TRPV4: variants seen among roughly 807,000 people sequenced by gnomAD.
TRPV4 encodes the protein transient receptor potential cation channel subfamily V member 4.
In TRPV4, 58 loss-of-function variants were observed where a neutral mutation model predicts 84.1. That is an observed-to-expected ratio of 0.69 (90% CI 0.56 to 0.86). TRPV4 has a LOEUF of 0.86. Ranked by LOEUF, TRPV4 falls within the 40% of genes least tolerant of loss-of-function variation. The pLI is 0.00. For synonymous variants in TRPV4, 489 were observed against 500.9 expected, an observed-to-expected ratio of 0.98 and a Z score of 0.32; for missense variants, 879 against 1,181.1, an observed-to-expected ratio of 0.74 and a Z score of 3.75.
At position 109,783,244 on chromosome 12, in the gene TRPV4, T is replaced by G; in HGVS notation, c.*377A>C. The G allele has an allele frequency of 4.5e-6, 1 of 224,634 alleles. No individual in the cohort carries two copies. The highest frequency in any genetic ancestry group is 8.7e-6 in the Non-Finnish European group (1 of 114,314). 13.9% of individuals were successfully genotyped at this position (224,634 alleles called of 1,614,324 possible). On this transcript the variant is annotated 3_prime_UTR_variant, in exon 16 of 16. Coordinates refer to ENST00000261740, the MANE Select transcript of TRPV4 (RefSeq NM_021625.5). This position sits in a 1 kb window ranked among gnomAD's most constrained non-coding sequence, Gnocchi z 4.6. ...ATGCAGCTCAGGCGCAGGCTGAGGC[T>G]GGGGCTTGGCCGGGCAGTGCACTTG...
At chr12:109,809,230 C>A (rs1395058169) in intron 2 of TRPV4, among the ~76,000 whole-genome samples, 1 of 150,816 alleles carries the variant, frequency 6.6e-6, no homozygotes, top group Admixed American at 6.6e-5. Flanking sequence ...TCCATCTACC[C>A]ATCCACCCAC....
chr12:109,798,804 C>T lies in TRPV4; in HGVS notation c.962G>A (p.Gly321Asp). 6.2e-7 allele frequency: 1 copy of T among 1,614,172 alleles called. No individual in the cohort carries two copies. Among genetic ancestry groups the T allele is most frequent in the South Asian group, 1.1e-5 (1 of 91,092 alleles). The change falls in exon 6 of 16, where the codon GGC becomes GAC. Residue 321 changes from glycine to aspartate, a missense_variant. Gly to Asp is a moderately conservative substitution (Grantham distance 94, BLOSUM62 -1). This residue lies in a region of TRPV4 where 521 missense variants were observed against 686.6 expected (regional missense o/e 0.76). Coordinates refer to ENST00000261740, the MANE Select transcript of TRPV4 (RefSeq NM_021625.5). This position sits in a 1 kb window ranked among gnomAD's most constrained non-coding sequence, Gnocchi z 5.0. Reference sequence around the variant, plus strand: ...CACCAGCGCATGCAGCACTGTGTTGCCTCGCGAGTCCTGGCGCCGCATGTC... The same window carrying T: ...CACCAGCGCATGCAGCACTGTGTTGTCTCGCGAGTCCTGGCGCCGCATGTC... ...KADMRRQDSR[G>D]NTVLHALVAI... is the part of the protein sequence containing the mutation.
In TRPV4 at chr12:109,814,718, C is replaced by T. The variant is rs1234933285; in HGVS notation, c.79G>A (p.Gly27Ser). The T allele has an allele frequency of 2.5e-6, 4 of 1,602,646 alleles. No individual in the cohort carries two copies. The highest frequency in any genetic ancestry group is 4.5e-5 in the East Asian group (2 of 44,344). ...GAGGAGAGAGGAAAAGCCTCCCCAC[C>T]TGGGGTGCCACTCTCATCCCCGGGG... ...ELPGDESGTP[G>S]GEAFPLSSLA... The change falls in exon 2 of 16, where the codon GGT becomes AGT. Residue 27 changes from glycine (G) to serine (S), a missense_variant. Physicochemically the swap from Gly to Ser is moderately conservative, Grantham distance 56 (BLOSUM62 0). Around this residue, in one of 4 missense-constraint regions of TRPV4, gnomAD observed 107 missense variants for 99.4 expected, o/e 1.08. Transcript: ENST00000261740. The surrounding 1 kb of genome is among the most constrained non-coding windows in gnomAD (Gnocchi z 5.4).
intron 1 of TRPV4, among the ~76,000 whole-genome samples, chr12:109,823,429 A>G (rs1463891466): frequency 6.6e-6 from 1 of 152,228 alleles, no homozygotes; most frequent in Non-Finnish European, 1.5e-5. Flanking sequence ...GCCGGCTGAC[A>G]GCACACACAG....
intron 1 of TRPV4, among the ~76,000 whole-genome samples, chr12:109,820,170 AACAATAAACTAG>A (rs1205349413): frequency 6.6e-6 from 1 of 152,146 alleles, no homozygotes; most frequent in African/African-American, 2.4e-5. Context: ...CTGGTGGGGA[AACAATAAACTAG>A]ACAAATCAAG....
intron 4 of TRPV4, among the ~76,000 whole-genome samples, chr12:109,801,039 G>A (rs1253327997): frequency 6.6e-6 from 1 of 152,254 alleles, no homozygotes; most frequent in Non-Finnish European, 1.5e-5. Context: ...GAGGAGGCCA[G>A]GCGCAGGCTC....
chr12:109,795,740 T>C (rs1384171844), intron 7 of TRPV4, among the ~76,000 whole-genome samples: 1 of 149,714 alleles, frequency 6.7e-6, no homozygotes, highest in African/African-American at 2.4e-5. Context: ...CTTGGTTTTT[T>C]GTTTGTTTGT....
chr12:109,798,749 G>C lies in TRPV4; in HGVS notation c.1017C>G (p.Thr339=). Residue 339 remains threonine, a synonymous_variant, in exon 6 of 16, where the codon ACC becomes ACG. Coordinates refer to ENST00000261740, the MANE Select transcript of TRPV4 (RefSeq NM_021625.5). The surrounding 1 kb of genome is among the most constrained non-coding windows in gnomAD (Gnocchi z 5.0). ...GGTCGTACATCTTGGTAACAAACTT[G>C]GTGTTCTCACGGGTGTTGTCAGCAA... is the stretch of plus-strand genomic sequence containing the variant. The part of the protein sequence containing the change: ...VAIADNTREN[T]KFVTKMYDLL... The C allele has an allele frequency of 6.2e-7, 1 of 1,614,144 alleles. No individual in the cohort carries two copies. Among genetic ancestry groups the C allele is most frequent in the Non-Finnish European group, 8.5e-7 (1 of 1,180,048 alleles).
chr12:109,817,789 C>T (rs1891924473), intron 1 of TRPV4, among the ~76,000 whole-genome samples: 1 of 152,220 alleles, frequency 6.6e-6, no homozygotes, highest in South Asian at 2.1e-4. Flanking sequence ...TCTGCTCCTC[C>T]TCTAAGGACA....
chr12:109,817,999 C>T (rs574569590), intron 1 of TRPV4, among the ~76,000 whole-genome samples: 1 of 152,122 alleles, frequency 6.6e-6, no homozygotes, highest in African/African-American at 2.4e-5. Context: ...GTAGGTACTG[C>T]GATCGTTCCC....
rs758741868 is a variant in TRPV4, at chr12:109,814,772, G to A, written c.25C>T (p.Arg9Cys). 2.6e-5 allele frequency: 40 copies of A among 1,549,400 alleles called. No individual in the cohort carries two copies. Among genetic ancestry groups the A allele is most frequent in the Admixed American group, 5.8e-5 (3 of 51,454 alleles). ...TCAGCCACCTCCCCGGGCCCCGCGC[G>A]GGGGCCTTCGCTGGAATCCGCCATG... MADSSEGPRAGPGEVAELP... is the reference protein window; with the variant it reads MADSSEGPCAGPGEVAELP... The change falls in exon 2 of 16, where the codon CGC (arginine) becomes TGC (cysteine). Residue 9 changes from arginine to cysteine, a missense_variant. By Grantham distance (180) the Arg-to-Cys change is radical. Around this residue, in one of 4 missense-constraint regions of TRPV4, gnomAD observed 107 missense variants for 99.4 expected, o/e 1.08. Coordinates refer to ENST00000261740, the MANE Select transcript of TRPV4 (RefSeq NM_021625.5). This position sits in a 1 kb window ranked among gnomAD's most constrained non-coding sequence, Gnocchi z 5.4.
rs1890552216 is a variant in TRPV4 at position 109,798,470 on chromosome 12, T to G, written c.1152+144A>C. 9.4e-7 allele frequency: 1 copy of G among 1,062,780 alleles called. No individual in the cohort carries two copies. The highest frequency in any genetic ancestry group is 2.1e-5 in the Admixed American group (1 of 48,430). The allele number at this position is 1,062,780 out of a possible 1,614,324, so 65.8% of individuals were successfully genotyped here. On this transcript the variant is annotated intron_variant, in intron 6 of 15. Transcript: ENST00000261740. The surrounding 1 kb of genome is among the most constrained non-coding windows in gnomAD (Gnocchi z 5.0). ...ACACTAGGGAGCCATAGCAGGTTCT[T>G]GAGCTGGGACATCTGCACACTGGGG...
At chr12:109,816,992 C>T (rs1172531251) in intron 1 of TRPV4, among the ~76,000 whole-genome samples, 1 of 152,198 alleles carries the variant, frequency 6.6e-6, no homozygotes, top group African/African-American at 2.4e-5. Flanking sequence ...GTTTTCCCAC[C>T]TGTAAGACTG....
rs975631193 is a variant in TRPV4, at chr12:109,800,602, C to A, written c.853+16G>T. On this transcript the variant is annotated intron_variant, in intron 5 of 15. Transcript: ENST00000261740. ...TTCTCCAGCATGCTGTCAGCCCCCA[C>A]CAGGCCCCTCCTTACCAAAGTAGAA... is the stretch of plus-strand genomic sequence containing the variant. The A allele has an allele frequency of 6.2e-7, 1 of 1,614,128 alleles. No homozygotes were observed. The highest frequency in any genetic ancestry group is 1.3e-5 in the African/African-American group (1 of 75,058).
chr12:109,799,815 C>T (rs918486879), intron 5 of TRPV4, among the ~76,000 whole-genome samples: 1 of 151,926 alleles, frequency 6.6e-6, no homozygotes, highest in African/African-American at 2.4e-5. Context: ...GGCTGGAGTG[C>T]AGTGGTGCAA....
At chr12:109,800,478 C>T in intron 5 of TRPV4, 140 bp downstream of exon 5, 1 of 1,097,438 alleles carries the variant, frequency 9.1e-7, no homozygotes, top group Non-Finnish European at 1.3e-6. Flanking sequence ...GCCTGTGGTC[C>T]AGAGTGCTGC....
chr12:109,799,797 A>G (rs1174156645), intron 5 of TRPV4, among the ~76,000 whole-genome samples: 1 of 150,748 alleles, frequency 6.6e-6, no homozygotes, highest in Non-Finnish European at 1.5e-5. Flanking sequence ...GTCTTGCTCT[A>G]TTTTCCAGGC....
chr12:109,802,114 C>CTCAGAA (rs140630874), intron 4 of TRPV4, among the ~76,000 whole-genome samples: 2,172 of 149,454 alleles, frequency 0.015, 51 homozygotes, highest in African/African-American at 0.051. Context: ...CTCGCTGCAT[C>CTCAGAA]TCAGAATCTT....
rs182609216 is a variant in TRPV4 at position 109,794,428 on chromosome 12, G to A, written c.1392C>T (p.Arg464=). The change falls in exon 8 of 16, where the codon CGC becomes CGT. Residue 464 remains arginine, a synonymous_variant. Coordinates refer to ENST00000261740, the MANE Select transcript of TRPV4 (RefSeq NM_021625.5). The stretch of plus-strand genomic sequence containing the variant: ...TGTAGAAGGAGACGGCCCCGAACTT[G>A]CGCCACTTGTCCCGCAGCAGTTCAT... The part of the protein sequence containing the change: ...PINELLRDKW[R]KFGAVSFYIN... 56 of 1,614,090 alleles carry A rather than the reference G, an allele frequency of 3.5e-5. No individual in the cohort carries two copies. The highest frequency in any genetic ancestry group is 4.2e-5 in the Non-Finnish European group (50 of 1,180,020).
Sources: allele counts gnomAD v4.1 joint callset (sites outside exome capture counted in the v4.1 genomes callset), GRCh38; gene constraint gnomAD v4.1.1; regional missense constraint gnomAD v4.1.1; non-coding constraint Gnocchi (gnomAD v3.1); transcripts MANE v1.5; gene names NCBI Gene and HGNC (gene_info 2026-07-23, HGNC 2026-07-21).